Variants in NKX3-2 observed in about 807,000 individuals in gnomAD.
The protein encoded by NKX3-2 is NK3 homeobox 2, also known as homeobox protein Nkx-3.2.
In NKX3-2, 13 loss-of-function variants were observed where a neutral mutation model predicts 19.4. That is an observed-to-expected ratio of 0.67 (90% CI 0.44 to 1.07). The LOEUF is 1.07. Among genes scored for constraint, NKX3-2 ranks in the 50% least tolerant of loss-of-function variants. NKX3-2 has a pLI of 0.00. For synonymous variants in NKX3-2, 269 were observed against 230.5 expected, an observed-to-expected ratio of 1.17 and a Z score of -1.51; for missense variants, 562 against 488.2, an observed-to-expected ratio of 1.15 and a Z score of -1.42.
In NKX3-2 at chr4:13,544,362, A is replaced by G; in HGVS notation, c.53T>C (p.Leu18Pro). The G allele has an allele frequency of 6.5e-7, 1 of 1,549,108 alleles. No homozygotes were observed. Among genetic ancestry groups the G allele is most frequent in the East Asian group, 2.5e-5 (1 of 40,736 alleles). Residue 18 changes from leucine (L) to proline (P), a missense_variant, in exon 1 of 2, where the codon CTC (leucine) becomes CCC (proline). Transcript: ENST00000382438. ...TLTSFSIQAI[L>P]NKKEERGGLA... ...CCCGCCGCGCTCCTCTTTCTTGTTG[A>G]GGATCGCCTGGATGGAGAAGGACGT... is the stretch of plus-strand genomic sequence containing the variant.
chr4:13,545,322 C>A (rs2109006560), upstream of NKX3-2, among the ~76,000 whole-genome samples: 1 of 152,328 alleles, frequency 6.6e-6, no homozygotes, highest in Non-Finnish European at 1.5e-5. Context: ...CTTATTCCAG[C>A]GCTTTAACAG....
chr4:13,544,275 G>T lies in NKX3-2; in HGVS notation c.140C>A (p.Pro47His). ...AAAGAGCCGCCAACAGCAGACAGCG[G>T]GAGCCGCGGCCACCGATGCCGCTGT... ...GGTAASVAAAPAVCCWRLFGE... is the reference protein window; with the variant it reads ...GGTAASVAAAHAVCCWRLFGE... Residue 47 changes from proline (P) to histidine (H), a missense_variant, in exon 1 of 2, where the codon CCC becomes CAC. Coordinates refer to ENST00000382438, the MANE Select transcript of NKX3-2 (RefSeq NM_001189.4). 1 of 1,552,146 alleles carries T rather than the reference G, an allele frequency of 6.4e-7. No individual in the cohort carries two copies. Among genetic ancestry groups the T allele is most frequent in the Non-Finnish European group, 8.6e-7 (1 of 1,157,456 alleles).
rs144770764 is a variant in NKX3-2, at chr4:13,542,008, G to A, written c.987C>T (p.Ala329=). The change falls in exon 2 of 2, where the codon GCC becomes GCT. Residue 329 remains alanine (A), a synonymous_variant. Coordinates refer to ENST00000382438, the MANE Select transcript of NKX3-2 (RefSeq NM_001189.4). The surrounding 1 kb of genome is among the most constrained non-coding windows in gnomAD (Gnocchi z 6.4). ...PGWALSTCAA[A]AGTQ ...CCAAGCGGGTTCACTGGGTGCCTGC[G>A]GCAGCTGCGCAGGTGGAGAGCGCCC... The A allele has an allele frequency of 6.9e-5, 110 of 1,589,886 alleles. 1 individual carries two copies. The African/African-American group carries it at 1.4e-3, about 20-fold the overall frequency.
Position 13,542,216 on chromosome 4 carries a change from T to G in NKX3-2, c.779A>C (p.Lys260Thr), listed in dbSNP as rs1237679706. Residue 260 changes from lysine to threonine, a missense_variant, in exon 2 of 2, where the codon AAG becomes ACG. Physicochemically the swap from Lys to Thr is moderately conservative, Grantham distance 78 (BLOSUM62 -1). Transcript: ENST00000382438. This position sits in a 1 kb window ranked among gnomAD's most constrained non-coding sequence, Gnocchi z 6.4. The stretch of plus-strand genomic sequence containing the variant: ...GGCTGCCATCTGCCGGCGCTTTGTC[T>G]TGTAGCGACGGTTCTGGAACCAGAT... ...VKIWFQNRRY[K>T]TKRRQMAADL... is the part of the protein sequence containing the mutation. The G allele has an allele frequency of 6.2e-7, 1 of 1,611,322 alleles. No homozygotes were observed. The highest frequency in any genetic ancestry group is 8.5e-7 in the Non-Finnish European group (1 of 1,179,174).
At chr4:13,546,998 C>T (rs1486587906), upstream of NKX3-2, 2 of 456,134 alleles carry the variant, frequency 4.4e-6, no homozygotes, top group African/African-American at 2.0e-5. Context: ...GGTGTCATCT[C>T]GGGCCATTAC....
At chr4:13,545,383 C>T (rs1331913993), upstream of NKX3-2, among the ~76,000 whole-genome samples, 3 of 152,352 alleles carry the variant, frequency 2.0e-5, no homozygotes, top group East Asian at 5.8e-4. Flanking sequence ...CAAGATAATG[C>T]AGTTCCATAA....
Position 13,543,890 on chromosome 4 carries a change from G to T in NKX3-2, c.466+59C>A. 7.1e-7 allele frequency: 1 copy of T among 1,412,886 alleles called. No individual in the cohort carries two copies. 87.5% of individuals were successfully genotyped at this position (1,412,886 alleles called of 1,614,324 possible). A position where few individuals can be genotyped will look rare whatever the true frequency, so the allele number is the denominator to read the frequency against. On this transcript the variant is annotated intron_variant, in intron 1 of 1. Transcript: ENST00000382438. The surrounding 1 kb of genome is among the most constrained non-coding windows in gnomAD (Gnocchi z 7.1). ...CAAGCCGACCACCCCACTCGGCGTG[G>T]TTGCCCTCCGCGTCCATCCCCTCAG...
chr4:13,546,910 G>A, upstream of NKX3-2: 1 of 456,264 alleles, frequency 2.2e-6, no homozygotes, highest in Non-Finnish European at 4.4e-6. Flanking sequence ...TGAGTTGTCG[G>A]GTATTTTTGT....
chr4:13,542,436 T>C lies in NKX3-2; in HGVS notation c.559A>G (p.Ser187Gly), dbSNP rs1342809466. The C allele has an allele frequency of 6.4e-7, 1 of 1,558,818 alleles. No homozygotes were observed. The change falls in exon 2 of 2, where the codon AGC becomes GGC. Residue 187 changes from serine to glycine, a missense_variant. Ser to Gly is a moderately conservative substitution (Grantham distance 56). Transcript: ENST00000382438. The surrounding 1 kb of genome is among the most constrained non-coding windows in gnomAD (Gnocchi z 6.4). ...LCSGAGGGGG[S>G]GPAGVAEEEE... ...TCCTCCGCGACGCCTGCCGGCCCGC[T>C]GCCGCCCCCGCCGCCGGCCCCGCTG...
Position 13,543,371 on chromosome 4 carries a change from C to T in NKX3-2, c.466+578G>A, listed in dbSNP as rs1718036052. 6.6e-6 allele frequency among the ~76,000 whole-genome samples: 1 copy of T among 152,164 alleles called. No individual in the cohort carries two copies. The highest frequency in any genetic ancestry group is 2.1e-4 in the South Asian group (1 of 4,828). The stretch of plus-strand genomic sequence containing the variant: ...ATGAACTAAAGACCCAATCCGGGAT[C>T]TTCGGCCTAGGGCTGCTCTCCCAGA... On this transcript the variant is annotated intron_variant, in intron 1 of 1. Transcript: ENST00000382438. The surrounding 1 kb of genome is among the most constrained non-coding windows in gnomAD (Gnocchi z 7.1).
Position 13,541,831 on chromosome 4 carries a change from C to T in NKX3-2, c.*162G>A, listed in dbSNP as rs1423753963. 7.8e-6 allele frequency: 9 copies of T among 1,156,550 alleles called. No homozygotes were observed. Among genetic ancestry groups the T allele is most frequent in the East Asian group, 5.2e-5 (2 of 38,314 alleles). The allele number at this position is 1,156,550 out of a possible 1,614,324, so 71.6% of individuals were successfully genotyped here. On this transcript the variant is annotated 3_prime_UTR_variant, in exon 2 of 2. Transcript: ENST00000382438. ...GGCGCCCCCTCAGGGCAGACTCAGC[C>T]CAGCTGCCAGGGGACAAGTCCTGGC...
Position 13,542,025 on chromosome 4 carries a change from A to G in NKX3-2, c.970T>C (p.Ser324Pro). ...GTGCCTGCGGCAGCTGCGCAGGTGG[A>G]GAGCGCCCAGCCTGGGAGGCAGTAG... ...PYYCLPGWAL[S>P]TCAAAAGTQ The change falls in exon 2 of 2, where the codon TCC (serine) becomes CCC (proline). Residue 324 changes from serine to proline, a missense_variant. By Grantham distance (74) the Ser-to-Pro change is moderately conservative (BLOSUM62 -1). Coordinates refer to ENST00000382438, the MANE Select transcript of NKX3-2 (RefSeq NM_001189.4). This position sits in a 1 kb window ranked among gnomAD's most constrained non-coding sequence, Gnocchi z 6.4. 1 of 1,596,770 alleles carries G rather than the reference A, an allele frequency of 6.3e-7. No homozygotes were observed.
At position 13,541,050 on chromosome 4, in the gene NKX3-2, A is replaced by G. The variant is rs3822226; in HGVS notation, c.*943T>C. The G allele has an allele frequency of 0.2, 31,064 of 152,256 alleles. 4,106 individuals are homozygous for G. Among genetic ancestry groups the G allele is most frequent in the African/African-American group, 0.37 (15,362 of 41,450 alleles). The allele number at this position is 152,256 out of a possible 1,614,324, so 9.4% of individuals were successfully genotyped here. ...CCAGAGCACTGGAGTCGCAGAGGGC[A>G]GAAGGTAGACACTGAGGGCCAGGCA... On this transcript the variant is annotated 3_prime_UTR_variant, in exon 2 of 2. Coordinates refer to ENST00000382438, the MANE Select transcript of NKX3-2 (RefSeq NM_001189.4).
rs1338698839 is a variant in NKX3-2, at chr4:13,542,099, A to C, written c.896T>G (p.Leu299Arg). Reference protein sequence around the residue: ...DQRQYLPGEVLRPPSLLPLQP... With the variant: ...DQRQYLPGEVRRPPSLLPLQP... ...CAGTGGCAGAAGCGAGGGTGGCCGCAGCACTTCGCCGGGCAGGTATTGTCT... is the reference window on the plus strand; with the variant it reads ...CAGTGGCAGAAGCGAGGGTGGCCGCCGCACTTCGCCGGGCAGGTATTGTCT... The change falls in exon 2 of 2, where the codon CTG (leucine) becomes CGG (arginine). Residue 299 changes from leucine (L) to arginine (R), a missense_variant. Leu to Arg is a moderately radical substitution (Grantham distance 102). Transcript: ENST00000382438. The surrounding 1 kb of genome is among the most constrained non-coding windows in gnomAD (Gnocchi z 6.4). 2.5e-6 allele frequency: 4 copies of C among 1,607,146 alleles called. No individual in the cohort carries two copies. Among genetic ancestry groups the C allele is most frequent in the Non-Finnish European group, 3.4e-6 (4 of 1,175,102 alleles).
In NKX3-2 at chr4:13,541,906, C is replaced by A. The variant is rs1295096316; in HGVS notation, c.*87G>T. ...ACCTCCAGGTGCCTCCTTGGCGGGG[C>A]GCCCCGTGCAGGCTACAGCCTACAG... On this transcript the variant is annotated 3_prime_UTR_variant, in exon 2 of 2. Transcript: ENST00000382438. 3 of 1,515,262 alleles carry A rather than the reference C, an allele frequency of 2.0e-6. No individual in the cohort carries two copies. The highest frequency in any genetic ancestry group is 2.7e-6 in the Non-Finnish European group (3 of 1,126,842). The allele number at this position is 1,515,262 out of a possible 1,614,324, so 93.9% of individuals were successfully genotyped here. A position where few individuals can be genotyped will look rare whatever the true frequency, so the allele number is the denominator to read the frequency against.
Position 13,544,191 on chromosome 4 carries a change from GC to G in NKX3-2, c.223del (p.Ala75ProfsTer49). ...GAEDSLLASPAGTRTAAGRTA... is the reference protein window; with the variant it reads ...GAEDSLLASPXGTRTAAGRTA... ...CCGCCCCGCAGCTGTTCTGGTACCG[GC>G]AGGAGACGCCAGCAGAGAGTCCTCG... On this transcript the variant is annotated frameshift_variant, in exon 1 of 2. Transcript: ENST00000382438. LOFTEE classifies it high-confidence loss of function. 1 of 1,602,218 alleles carries G rather than the reference GC, an allele frequency of 6.2e-7. No individual in the cohort carries two copies. Among genetic ancestry groups the G allele is most frequent in the Non-Finnish European group, 8.5e-7 (1 of 1,178,804 alleles).
chr4:13,546,739 G>A (rs543721204), upstream of NKX3-2: 1 of 365,720 alleles, frequency 2.7e-6, no homozygotes, highest in African/African-American at 2.1e-5. Flanking sequence ...TTGGGGCTAC[G>A]TAAAGACTTG....
rs1333981517 is a variant in NKX3-2, at chr4:13,542,055, G to C, written c.940C>G (p.Pro314Ala). ...LLPLQPSYYYPYYCLPGWALS... is the reference protein window; with the variant it reads ...LLPLQPSYYYAYYCLPGWALS... ...GCCCAGCCTGGGAGGCAGTAGTACG[G>C]GTAATAGTAGGAGGGCTGCAGTGGC... Residue 314 changes from proline (P) to alanine (A), a missense_variant, in exon 2 of 2, where the codon CCG (proline) becomes GCG (alanine). By Grantham distance (27) the Pro-to-Ala change is conservative (BLOSUM62 -1). Transcript: ENST00000382438. This position sits in a 1 kb window ranked among gnomAD's most constrained non-coding sequence, Gnocchi z 6.4. The C allele has an allele frequency of 6.2e-7, 1 of 1,607,010 alleles. No individual in the cohort carries two copies. The highest frequency in any genetic ancestry group is 2.3e-5 in the East Asian group (1 of 44,378).
chr4:13,544,418 C>A lies in NKX3-2; in HGVS notation c.-4G>T. The A allele has an allele frequency of 1.3e-6, 2 of 1,511,938 alleles. No individual in the cohort carries two copies. The highest frequency in any genetic ancestry group is 1.8e-6 in the Non-Finnish European group (2 of 1,139,344). The allele number at this position is 1,511,938 out of a possible 1,614,324, so 93.7% of individuals were successfully genotyped here. A position where few individuals can be genotyped will look rare whatever the true frequency, so the allele number is the denominator to read the frequency against. ...TGTTGGCGCCGCGCACAGCCATCTGCGCCGCGGGCAGGAGCGGCCGGCGGG... is the reference window on the plus strand; with the variant it reads ...TGTTGGCGCCGCGCACAGCCATCTGAGCCGCGGGCAGGAGCGGCCGGCGGG... On this transcript the variant is annotated 5_prime_UTR_variant, in exon 1 of 2. Coordinates refer to ENST00000382438, the MANE Select transcript of NKX3-2 (RefSeq NM_001189.4).
Sources: allele counts gnomAD v4.1 joint callset (sites outside exome capture counted in the v4.1 genomes callset), GRCh38; gene constraint gnomAD v4.1.1; non-coding constraint Gnocchi (gnomAD v3.1); transcripts MANE v1.5; gene names NCBI Gene and HGNC (gene_info 2026-07-23, HGNC 2026-07-21).